NCKAP5: variants seen among roughly 807,000 people sequenced by gnomAD.
NCKAP5 encodes nck-associated protein 5.
Under a neutral mutation model 167.0 loss-of-function variants are expected in NCKAP5, and 92 were observed. The ratio of observed to expected loss-of-function variants is 0.55; its 90% CI spans 0.47 to 0.66. NCKAP5 has a LOEUF of 0.66. NCKAP5 is among the 30% of genes least tolerant of loss of function. NCKAP5 has a pLI of 0.00. For synonymous variants in NCKAP5, 891 were observed against 877.4 expected, an observed-to-expected ratio of 1.02 and a Z score of -0.27; for missense variants, 2,378 against 2,315.0, an observed-to-expected ratio of 1.03 and a Z score of -0.56.
At chr2:133,631,199 A>G in the NCKAP5 span, among the ~76,000 whole-genome samples, 4 of 152,256 alleles carry the variant, frequency 2.6e-5, no homozygotes, top group Admixed American at 1.3e-4. Context: ...ACAAATGTGT[A>G]TATGGGTTAT....
intron 6 of NCKAP5, among the ~76,000 whole-genome samples, chr2:133,022,458 G>A (rs2078559767): frequency 6.6e-6 from 1 of 152,132 alleles, no homozygotes; most frequent in Non-Finnish European, 1.5e-5. Context: ...GCAGGGAGGG[G>A]CTGTCTCTGG....
chr2:133,299,930 A>G (rs891508164), intron 4 of NCKAP5, among the ~76,000 whole-genome samples: 1 of 151,850 alleles, frequency 6.6e-6, no homozygotes, highest in Non-Finnish European at 1.5e-5. Flanking sequence ...ACACAATAAA[A>G]AATGATAAAG....
intron 5 of NCKAP5, among the ~76,000 whole-genome samples, chr2:133,191,109 C>T: frequency 6.6e-6 from 1 of 152,042 alleles, no homozygotes; most frequent in Non-Finnish European, 1.5e-5. Context: ...AAAAAGTGAG[C>T]AAAGGAGATC....
intron 11 of NCKAP5, among the ~76,000 whole-genome samples, chr2:132,845,520 C>A (rs909009142): frequency 6.6e-5 from 10 of 152,218 alleles, no homozygotes; most frequent in African/African-American, 2.4e-4. Flanking sequence ...TTATCAAATG[C>A]ACCACAACCA....
intron 6 of NCKAP5, among the ~76,000 whole-genome samples, chr2:133,008,247 C>G (rs914136742): frequency 6.6e-6 from 1 of 152,148 alleles, no homozygotes; most frequent in African/African-American, 2.4e-5. Flanking sequence ...CACCTCCCAG[C>G]TAGATATTGA....
intron 4 of NCKAP5, among the ~76,000 whole-genome samples, chr2:133,280,494 C>T (rs1286025395): frequency 1.3e-5 from 2 of 152,030 alleles, no homozygotes; most frequent in African/African-American, 2.4e-5. Flanking sequence ...GCAACCTCCA[C>T]CTCCCAGGCT....
chr2:133,154,673 A>C (rs2083507830), intron 5 of NCKAP5, among the ~76,000 whole-genome samples: 1 of 152,220 alleles, frequency 6.6e-6, no homozygotes, highest in Non-Finnish European at 1.5e-5. Flanking sequence ...TAAGTGCTGG[A>C]CTGCAATTGA....
chr2:132,794,263 TAGAGAGAG>T (rs70973407), intron 12 of NCKAP5, among the ~76,000 whole-genome samples: 57 of 11,882 alleles, frequency 4.8e-3, no homozygotes, highest in East Asian at 0.017. Context: ...TATATATATA[TAGAGAGAG>T]AGAGAGAGAG....
intron 11 of NCKAP5, among the ~76,000 whole-genome samples, chr2:132,799,386 CT>C (rs1343547389): frequency 6.6e-6 from 1 of 152,086 alleles, no homozygotes; most frequent in South Asian, 2.1e-4. Flanking sequence ...GAAGTACCCC[CT>C]GAATCTAAAA....
intron 7 of NCKAP5, among the ~76,000 whole-genome samples, chr2:132,967,247 C>G (rs991741517): frequency 6.6e-6 from 1 of 151,118 alleles, no homozygotes; most frequent in Non-Finnish European, 1.5e-5. Flanking sequence ...GATACAGTGC[C>G]CAAGTATTAT....
intron 5 of NCKAP5, among the ~76,000 whole-genome samples, chr2:133,181,243 G>A (rs2150035700): frequency 1.3e-5 from 2 of 152,040 alleles, no homozygotes; most frequent in Admixed American, 1.3e-4. Context: ...ACTTGAACTG[G>A]TAAAATGATG....
At chr2:132,933,973 A>G (rs1696644992) in intron 8 of NCKAP5, among the ~76,000 whole-genome samples, 2 of 152,224 alleles carry the variant, frequency 1.3e-5, no homozygotes, top group Non-Finnish European at 2.9e-5. Flanking sequence ...GCATATTAGC[A>G]TGAAAGGGGG....
intron 3 of NCKAP5, among the ~76,000 whole-genome samples, chr2:133,383,912 GT>G (rs1035153399): frequency 2.6e-5 from 4 of 152,004 alleles, no homozygotes; most frequent in African/African-American, 2.4e-5. Flanking sequence ...TGATGGGGTT[GT>G]TTTTTTCTTG....
At chr2:132,678,768 ATT>A (rs1313116243) in intron 19 of NCKAP5, among the ~76,000 whole-genome samples, 1 of 152,170 alleles carries the variant, frequency 6.6e-6, no homozygotes, top group Admixed American at 6.5e-5. Flanking sequence ...GGCAATCAGG[ATT>A]TGAGCAGAAA....
chr2:133,061,409 G>GT (rs1162686434), intron 6 of NCKAP5, among the ~76,000 whole-genome samples: 2 of 152,194 alleles, frequency 1.3e-5, no homozygotes, highest in African/African-American at 4.8e-5. Flanking sequence ...TCTAGAAGAA[G>GT]TTTTTTTCTG....
chr2:132,795,072 C>A (rs1311502568), intron 12 of NCKAP5, among the ~76,000 whole-genome samples: 1 of 152,186 alleles, frequency 6.6e-6, no homozygotes, highest in African/African-American at 2.4e-5. Context: ...CTCACCACAA[C>A]TCTCTGAAAT....
intron 14 of NCKAP5, among the ~76,000 whole-genome samples, 189 bp from the exon 15 acceptor site, chr2:132,781,418 T>C (rs996527261): frequency 6.6e-5 from 10 of 152,354 alleles, no homozygotes; most frequent in African/African-American, 2.4e-4. Context: ...CAATTTAGAT[T>C]TGACAATATC....
At chr2:133,638,781 C>T in the NCKAP5 span, among the ~76,000 whole-genome samples, 5 of 150,634 alleles carry the variant, frequency 3.3e-5, no homozygotes, top group African/African-American at 4.9e-5. Context: ...ATTGCTTGAA[C>T]CCAGGGGCAG....
At chr2:132,715,922 A>G (rs1689330500) in intron 19 of NCKAP5, among the ~76,000 whole-genome samples, 2 of 152,132 alleles carry the variant, frequency 1.3e-5, no homozygotes, top group African/African-American at 4.8e-5. Context: ...AACATTTCTA[A>G]TACCCAAAGG....
Sources: allele counts gnomAD v4.1 joint callset (sites outside exome capture counted in the v4.1 genomes callset), GRCh38; gene constraint gnomAD v4.1.1; transcripts MANE v1.5; gene names NCBI Gene and HGNC (gene_info 2026-07-23, HGNC 2026-07-21).